The following KAZN variants were observed in gnomAD, a reference collection of about 807,000 sequenced individuals.
The protein encoded by KAZN is kazrin, periplakin interacting protein, also known as kazrin.
Under a neutral mutation model 87.4 loss-of-function variants are expected in KAZN, and 40 were observed. That is an observed-to-expected ratio of 0.46 (90% CI 0.36 to 0.60). The LOEUF is 0.60. Ranked by LOEUF, KAZN falls within the 20% of genes least tolerant of loss-of-function variation. The probability of loss-of-function intolerance (pLI) is 0.00; values close to 1 mark genes in which losing one functional copy is unlikely to be tolerated. For synonymous variants in KAZN, 466 were observed against 458.3 expected, an observed-to-expected ratio of 1.02 and a Z score of -0.22; for missense variants, 898 against 1,073.9, an observed-to-expected ratio of 0.84 and a Z score of 2.29.
rs1671117267 is a variant in KAZN, at chr1:14,514,380, ATATATAT to A, written c.250-84595_250-84589del. Reference sequence around the variant, plus strand: ...ATATATATATTTATATATATAATATATATATATTATATATATTTATATATATAATATA... The same window carrying A: ...ATATATATATTTATATATATAATATATATATATATTTATATATATAATATA... On this transcript the variant is annotated intron_variant, in intron 2 of 16. Transcript: ENST00000636203. Among the ~76,000 whole-genome samples the A allele has an allele frequency of 1.4e-4, 3 of 21,748 alleles. 1 individual carries two copies. Among genetic ancestry groups the A allele is most frequent in the African/African-American group, 5.6e-4 (3 of 5,336 alleles). 14.3% of individuals were successfully genotyped at this position (21,748 alleles called of 152,430 possible).
intron 2 of KAZN, among the ~76,000 whole-genome samples, chr1:14,513,716 A>C (rs1321775662): frequency 6.6e-6 from 1 of 152,198 alleles, no homozygotes; most frequent in Non-Finnish European, 1.5e-5. Flanking sequence ...ACCTTATTTC[A>C]ACTTTACATC....
chr1:14,530,633 T>TCTCG (rs1244040783), intron 2 of KAZN, among the ~76,000 whole-genome samples: 1 of 152,058 alleles, frequency 6.6e-6, no homozygotes, highest in African/African-American at 2.4e-5. Context: ...TCTCTCTCTC[T>TCTCG]CTCGCTCCCT....
chr1:14,237,511 T>C (rs569136343), intron 2 of KAZN, among the ~76,000 whole-genome samples: 1 of 152,154 alleles, frequency 6.6e-6, no homozygotes, highest in Non-Finnish European at 1.5e-5. Flanking sequence ...CAGATACTCT[T>C]CTCTGAGTAT....
chr1:14,424,928 A>AG (rs1665632285), intron 2 of KAZN, among the ~76,000 whole-genome samples: 1 of 152,236 alleles, frequency 6.6e-6, no homozygotes, highest in Admixed American at 6.5e-5. Context: ...TTCTAATATC[A>AG]TAGCTAAATC....
intron 1 of KAZN, among the ~76,000 whole-genome samples, chr1:14,672,874 C>G (rs961644242): frequency 2.0e-5 from 3 of 152,184 alleles, no homozygotes; most frequent in Non-Finnish European, 4.4e-5. Context: ...GCTACCATAG[C>G]CTTCTCCGAG....
At chr1:14,629,019 G>A (rs1297277121) in intron 1 of KAZN, among the ~76,000 whole-genome samples, 1 of 151,888 alleles carries the variant, frequency 6.6e-6, no homozygotes, top group Non-Finnish European at 1.5e-5. Flanking sequence ...GCTAATTTTT[G>A]TGTTTTTACT....
At chr1:13,964,702 C>T (rs780745574) in intron 1 of KAZN, among the ~76,000 whole-genome samples, 3 of 152,160 alleles carry the variant, frequency 2.0e-5, no homozygotes, top group Non-Finnish European at 4.4e-5. Flanking sequence ...TCCCTTTTGC[C>T]GCATTCTGTC....
chr1:14,328,472 G>A (rs1193407908), intron 2 of KAZN, among the ~76,000 whole-genome samples: 1 of 152,060 alleles, frequency 6.6e-6, no homozygotes, highest in Non-Finnish European at 1.5e-5. Context: ...GGGAGCCCGA[G>A]GCAGGCAGAT....
intron 2 of KAZN, among the ~76,000 whole-genome samples, chr1:15,031,335 C>A (rs1290468324): frequency 6.6e-6 from 1 of 152,240 alleles, no homozygotes. Flanking sequence ...CAACTCCAGA[C>A]ACAAGGAGGC....
intron 1 of KAZN, among the ~76,000 whole-genome samples, chr1:14,756,389 T>A (rs565388708): frequency 4.6e-5 from 7 of 152,138 alleles, no homozygotes; most frequent in African/African-American, 7.2e-5. Context: ...TCAGCCCCCC[T>A]GCAAAAATGG....
At chr1:14,083,615 G>A (rs953849175) in intron 1 of KAZN, among the ~76,000 whole-genome samples, 1 of 152,212 alleles carries the variant, frequency 6.6e-6, no homozygotes, top group Non-Finnish European at 1.5e-5. Context: ...AGAGTTTATT[G>A]ATATGCCTTG....
At chr1:14,635,957 C>T (rs903645444) in intron 1 of KAZN, among the ~76,000 whole-genome samples, 5 of 152,230 alleles carry the variant, frequency 3.3e-5, no homozygotes, top group African/African-American at 9.6e-5. Context: ...TTTCTGTTTA[C>T]ACCCAGGTCT....
intron 1 of KAZN, among the ~76,000 whole-genome samples, chr1:13,977,564 T>G (rs1638425057): frequency 6.6e-6 from 1 of 152,182 alleles, no homozygotes; most frequent in African/African-American, 2.4e-5. Flanking sequence ...GGCCAAATTT[T>G]GGAGAGAAGA....
chr1:13,898,457 C>T lies in KAZN; in HGVS notation c.91+4701C>T, dbSNP rs926534172. 3.3e-5 allele frequency among the ~76,000 whole-genome samples: 5 copies of T among 152,330 alleles called. No homozygotes were observed. The South Asian group carries it at 8.3e-4, about 25-fold the overall frequency. The stretch of plus-strand genomic sequence containing the variant: ...GTGTTACGGAAGTTGATTTCCAACC[C>T]GTTTCATGTGGGCAGAAAGCATTTC... On this transcript the variant is annotated intron_variant, in intron 1 of 16. Transcript: ENST00000636203.
At chr1:13,958,012 A>G (rs1332645659) in intron 1 of KAZN, among the ~76,000 whole-genome samples, 1 of 152,188 alleles carries the variant, frequency 6.6e-6, no homozygotes, top group Non-Finnish European at 1.5e-5. Flanking sequence ...GGAATGTGAT[A>G]GTAATTCAGG....
In KAZN at chr1:14,901,789, GC is replaced by G. The variant is rs561690783; in HGVS notation, c.227-58890del. 8.1e-4 allele frequency among the ~76,000 whole-genome samples: 123 copies of G among 152,284 alleles called. 4 individuals are homozygous for G. In the South Asian group the frequency reaches 0.023, roughly 28 times the overall value. ...AGGTTCAAAGGGTTGTTACATCTCT[GC>G]CCCCACAGCTGCCTCTCTCTGGGGC... On this transcript the variant is annotated intron_variant, in intron 1 of 14. Coordinates refer to ENST00000376030, the MANE Select transcript of KAZN (RefSeq NM_201628.3).
intron 1 of KAZN, among the ~76,000 whole-genome samples, chr1:14,081,037 T>G (rs1419267615): frequency 6.6e-6 from 1 of 152,140 alleles, no homozygotes; most frequent in Non-Finnish European, 1.5e-5. Context: ...CAAGGGTTCA[T>G]TCACCTTAAT....
At chr1:13,995,742 AC>A (rs1267369051) in intron 1 of KAZN, among the ~76,000 whole-genome samples, 1 of 152,058 alleles carries the variant, frequency 6.6e-6, no homozygotes, top group African/African-American at 2.4e-5. Flanking sequence ...TGAACATCAG[AC>A]TTCAGGTTCT....
At chr1:14,578,436 GA>G (rs1372453559) in intron 2 of KAZN, among the ~76,000 whole-genome samples, 1 of 151,998 alleles carries the variant, frequency 6.6e-6, no homozygotes, top group Non-Finnish European at 1.5e-5. Context: ...TACACTAACT[GA>G]CAGAATTTTT....
Sources: allele counts gnomAD v4.1 joint callset (sites outside exome capture counted in the v4.1 genomes callset), GRCh38; gene constraint gnomAD v4.1.1; transcripts MANE v1.5; gene names NCBI Gene and HGNC (gene_info 2026-07-23, HGNC 2026-07-21).